CCSER1: variants seen among roughly 807,000 people sequenced by gnomAD.
CCSER1 encodes the protein coiled-coil serine rich protein 1, also known as serine-rich coiled-coil domain-containing protein 1.
CCSER1 carries 41 observed loss-of-function variants against 82.0 expected under a neutral mutation model. The ratio of observed to expected loss-of-function variants is 0.50; its 90% CI spans 0.39 to 0.65. CCSER1 has a LOEUF of 0.65. CCSER1 is among the 30% of genes least tolerant of loss of function. CCSER1 has a pLI of 0.00. For synonymous variants in CCSER1, 414 were observed against 383.9 expected (o/e 1.08, Z -0.92); for missense variants, 1,119 against 1,064.2 (o/e 1.05, Z -0.72).
intron 8 of CCSER1, among the ~76,000 whole-genome samples, chr4:90,911,766 G>A (rs988286442): frequency 6.6e-6 from 1 of 152,078 alleles, no homozygotes; most frequent in South Asian, 2.1e-4. Context: ...CTGGAAAATC[G>A]GGTCACTCCC....
At chr4:90,489,024 A>ATAC (rs1416966437) in intron 5 of CCSER1, among the ~76,000 whole-genome samples, 2 of 152,192 alleles carry the variant, frequency 1.3e-5, no homozygotes, top group Non-Finnish European at 2.9e-5. Context: ...TGGATAATAC[A>ATAC]TACCAGAATA....
intron 9 of CCSER1, among the ~76,000 whole-genome samples, chr4:90,953,642 TCTTTA>T (rs1207070311): frequency 4.6e-5 from 7 of 151,766 alleles, no homozygotes; most frequent in Admixed American, 1.3e-4. Flanking sequence ...ATATAAATAT[TCTTTA>T]CTTATTTATC....
intron 4 of CCSER1, among the ~76,000 whole-genome samples, chr4:90,434,658 A>T (rs556341208): frequency 6.6e-6 from 1 of 152,274 alleles, no homozygotes; most frequent in South Asian, 2.1e-4. Context: ...GGATACAGCA[A>T]GCAGTTTGGT....
intron 10 of CCSER1, among the ~76,000 whole-genome samples, chr4:91,467,238 C>A (rs1756968661): frequency 6.6e-6 from 1 of 152,138 alleles, no homozygotes; most frequent in Admixed American, 6.5e-5. Context: ...CTGACAAAAA[C>A]AAGAAATGGG....
Position 91,574,635 on chromosome 4 carries a change from T to G in CCSER1, c.2218-23937T>G, listed in dbSNP as rs377077673. On this transcript the variant is annotated intron_variant, in intron 10 of 10. Transcript: ENST00000509176. ...GAGTCCATTATCCTAAGCAAATTAT[T>G]GCAGGAATAGAAAACTAAATACCTC... is the stretch of plus-strand genomic sequence containing the variant. Among the ~76,000 whole-genome samples, 14 of 152,182 alleles carry G rather than the reference T, an allele frequency of 9.2e-5. 1 individual carries two copies. The highest frequency in any genetic ancestry group is 3.4e-4 in the African/African-American group (14 of 41,542).
chr4:90,624,446 G>A (rs1438970667), intron 5 of CCSER1, among the ~76,000 whole-genome samples: 1 of 152,090 alleles, frequency 6.6e-6, no homozygotes, highest in African/African-American at 2.4e-5. Context: ...CTCAGGTAAG[G>A]AAAACCTTTC....
At chr4:90,650,109 C>T (rs1047978696) in intron 6 of CCSER1, among the ~76,000 whole-genome samples, 13 of 151,920 alleles carry the variant, frequency 8.6e-5, no homozygotes, top group Admixed American at 5.9e-4. Context: ...CCCAGCTACT[C>T]GGGAGGCTGA....
chr4:90,738,549 A>G (rs956890443), intron 7 of CCSER1, among the ~76,000 whole-genome samples: 15 of 152,120 alleles, frequency 9.9e-5, no homozygotes, highest in Non-Finnish European at 1.5e-5. Flanking sequence ...ACTGGGACCA[A>G]GTTGCATTCA....
At chr4:91,358,917 C>T (rs1245581876) in intron 10 of CCSER1, among the ~76,000 whole-genome samples, 4 of 152,114 alleles carry the variant, frequency 2.6e-5, no homozygotes, top group Admixed American at 2.0e-4. Context: ...CCTCAGCTAT[C>T]CATCAGTCAC....
intron 5 of CCSER1, among the ~76,000 whole-genome samples, chr4:90,596,951 T>C (rs1783413202): frequency 6.6e-6 from 1 of 151,978 alleles, no homozygotes; most frequent in African/African-American, 2.4e-5. Context: ...TAATTTCTTA[T>C]GGACATTTAA....
At chr4:91,439,026 G>T (rs1238445757) in intron 10 of CCSER1, among the ~76,000 whole-genome samples, 1 of 152,162 alleles carries the variant, frequency 6.6e-6, no homozygotes, top group African/African-American at 2.4e-5. Flanking sequence ...GAAAGTGACG[G>T]GGAGAATGGA....
Position 90,400,186 on chromosome 4 carries a change from C to A in CCSER1, c.1603+57C>A. On this transcript the variant is annotated intron_variant, in intron 4 of 10. Transcript: ENST00000509176. ...AACTCCTACCCTGGTCAGTAGCTTT[C>A]ACTGATAGCCTAAACACTGTTAAGG... The A allele has an allele frequency of 3.3e-6, 3 of 899,520 alleles. No homozygotes were observed. In the South Asian group the frequency reaches 5.1e-5, roughly 15 times the overall value. The allele number at this position is 899,520 out of a possible 1,614,324, so 55.7% of individuals were successfully genotyped here. A position where few individuals can be genotyped will look rare whatever the true frequency, so the allele number is the denominator to read the frequency against.
intron 1 of CCSER1, among the ~76,000 whole-genome samples, chr4:90,224,812 C>T (rs1742828074): frequency 6.6e-6 from 1 of 152,204 alleles, no homozygotes; most frequent in African/African-American, 2.4e-5. Context: ...GTAAGGGCTC[C>T]ATAAAGGCAG....
chr4:91,164,506 A>T (rs1308775556), intron 10 of CCSER1, among the ~76,000 whole-genome samples: 4 of 152,082 alleles, frequency 2.6e-5, no homozygotes, highest in Admixed American at 6.6e-5. Context: ...GTTCTCCTGG[A>T]TAATATCCTG....
At chr4:91,189,822 T>C (rs1056823395) in intron 10 of CCSER1, among the ~76,000 whole-genome samples, 1 of 152,230 alleles carries the variant, frequency 6.6e-6, no homozygotes, top group Non-Finnish European at 1.5e-5. Context: ...ATTTGAATTT[T>C]AATTTTTGAA....
intron 3 of CCSER1, among the ~76,000 whole-genome samples, chr4:90,392,044 G>A (rs1751261209): frequency 6.6e-6 from 1 of 151,920 alleles, no homozygotes; most frequent in African/African-American, 2.4e-5. Context: ...GATGGTGTCT[G>A]TGATGTTAGT....
chr4:91,275,567 C>T (rs113199221), intron 10 of CCSER1, among the ~76,000 whole-genome samples: 55 of 152,142 alleles, frequency 3.6e-4, no homozygotes, highest in South Asian at 1.2e-3. Flanking sequence ...GTATATTCTG[C>T]ATATTAGTTT....
At chr4:91,406,268 A>G (rs1294994294) in intron 10 of CCSER1, among the ~76,000 whole-genome samples, 2 of 152,210 alleles carry the variant, frequency 1.3e-5, no homozygotes, top group African/African-American at 4.8e-5. Flanking sequence ...ATCACCTTCA[A>G]ACCCCTTCTT....
chr4:91,198,432 A>G lies in CCSER1; in HGVS notation c.2217+112438A>G, dbSNP rs186896102. Among the ~76,000 whole-genome samples, 237 of 152,108 alleles carry G rather than the reference A, an allele frequency of 1.6e-3. 5 individuals are homozygous for G. The Middle Eastern group carries it at 0.034, about 22-fold the overall frequency. On this transcript the variant is annotated intron_variant, in intron 10 of 10. Transcript: ENST00000509176. ...TTATTTCATCAGGGTTGCAAAACAT[A>G]AAGATTAAAAAATGATTTATTCAAA...
Sources: allele counts gnomAD v4.1 joint callset (sites outside exome capture counted in the v4.1 genomes callset), GRCh38; gene constraint gnomAD v4.1.1; transcripts MANE v1.5; gene names NCBI Gene and HGNC (gene_info 2026-07-23, HGNC 2026-07-21).